The following SGCZ variants were observed in gnomAD, a reference collection of about 807,000 sequenced individuals.
The protein encoded by SGCZ is zeta-sarcoglycan.
SGCZ carries 40 observed loss-of-function variants against 41.3 expected under a neutral mutation model. That is an observed-to-expected ratio of 0.97 (90% CI 0.75 to 1.26). The LOEUF (loss-of-function observed/expected upper bound fraction) is 1.26, where lower values mean the gene tolerates loss of function less well. Among genes scored for constraint, SGCZ ranks in the 50% most tolerant of loss-of-function variants. The pLI, the probability that SGCZ is intolerant of heterozygous loss-of-function variation, is 0.00. For missense variants in SGCZ, 552 were observed against 369.8 expected (o/e 1.49, Z -4.04); for synonymous variants, 206 against 137.5 (o/e 1.50, Z -3.49).
intron 1 of SGCZ, among the ~76,000 whole-genome samples, chr8:14,600,997 A>G (rs1208706333): frequency 6.6e-6 from 1 of 150,816 alleles, no homozygotes; most frequent in Non-Finnish European, 1.5e-5. Context: ...ATATGTCTCT[A>G]TAATCCCTAA....
chr8:14,848,843 G>A (rs1803223303), intron 1 of SGCZ, among the ~76,000 whole-genome samples: 1 of 152,038 alleles, frequency 6.6e-6, no homozygotes, highest in African/African-American at 2.4e-5. Context: ...GGATAAAATG[G>A]ATATCAGAAA....
intron 3 of SGCZ, among the ~76,000 whole-genome samples, chr8:14,239,413 G>T (rs1011688051): frequency 1.3e-5 from 2 of 152,024 alleles, no homozygotes; most frequent in Non-Finnish European, 2.9e-5. Flanking sequence ...TCAAAAAATT[G>T]TGAAAAAACT....
chr8:14,235,315 G>A (rs756169926), intron 4 of SGCZ, among the ~76,000 whole-genome samples: 2 of 152,108 alleles, frequency 1.3e-5, no homozygotes, highest in African/African-American at 4.8e-5. Flanking sequence ...TACACTCAAA[G>A]GACCAGGATA....
chr8:15,029,491 T>A lies in SGCZ; in HGVS notation c.39+208094A>T, dbSNP rs148416883. ...GCCCTTAAAATCAGATCAAAGAAAGTTAGTATGTTAACTACAATTTTGAAA... is the reference window on the plus strand; with the variant it reads ...GCCCTTAAAATCAGATCAAAGAAAGATAGTATGTTAACTACAATTTTGAAA... On this transcript the variant is annotated intron_variant, in intron 1 of 7. Coordinates refer to ENST00000382080, the MANE Select transcript of SGCZ (RefSeq NM_139167.4). Among the ~76,000 whole-genome samples, 14 of 152,164 alleles carry A rather than the reference T, an allele frequency of 9.2e-5. No homozygotes were observed. The East Asian group carries it at 2.7e-3, about 29-fold the overall frequency.
chr8:15,198,075 C>A (rs909196316), intron 1 of SGCZ, among the ~76,000 whole-genome samples: 2 of 148,042 alleles, frequency 1.4e-5, no homozygotes, highest in Non-Finnish European at 3.0e-5. Flanking sequence ...TGTATAATGG[C>A]AATTTGATAT....
At chr8:14,560,289 T>G (rs1288446713) in intron 1 of SGCZ, among the ~76,000 whole-genome samples, 1 of 151,976 alleles carries the variant, frequency 6.6e-6, no homozygotes. Flanking sequence ...CATCCAACTT[T>G]GTATACAGAT....
chr8:15,120,038 T>C (rs1008019429), intron 1 of SGCZ, among the ~76,000 whole-genome samples: 1 of 152,030 alleles, frequency 6.6e-6, no homozygotes, highest in African/African-American at 2.4e-5. Flanking sequence ...TTTCCAGGAG[T>C]CTTGCTATGT....
At chr8:14,124,056 A>G (rs1585156148) in intron 5 of SGCZ, among the ~76,000 whole-genome samples, 1 of 152,308 alleles carries the variant, frequency 6.6e-6, no homozygotes, top group East Asian at 1.9e-4. Context: ...AGATTGACTC[A>G]GAAGGGAGCT....
intron 2 of SGCZ, among the ~76,000 whole-genome samples, chr8:14,351,292 T>C (rs1803081282): frequency 6.6e-6 from 1 of 152,114 alleles, no homozygotes; most frequent in Admixed American, 6.6e-5. Flanking sequence ...GCATGTAAAT[T>C]ATTATTTTAC....
intron 4 of SGCZ, among the ~76,000 whole-genome samples, chr8:14,188,571 A>G (rs1377233491): frequency 1.3e-5 from 2 of 152,134 alleles, no homozygotes; most frequent in Non-Finnish European, 2.9e-5. Context: ...TGAGAGCGAA[A>G]GGGTTCAGAG....
intron 4 of SGCZ, among the ~76,000 whole-genome samples, chr8:14,179,204 C>T (rs1804643707): frequency 6.6e-6 from 1 of 152,170 alleles, no homozygotes; most frequent in Admixed American, 6.5e-5. Flanking sequence ...CCCATGTGTC[C>T]TGTGAAAAAG....
At chr8:14,236,783 T>A (rs945384447) in intron 4 of SGCZ, among the ~76,000 whole-genome samples, 1 of 151,604 alleles carries the variant, frequency 6.6e-6, no homozygotes, top group African/African-American at 2.4e-5. Flanking sequence ...TCTACATGCA[T>A]ATCAAAACTT....
intron 1 of SGCZ, among the ~76,000 whole-genome samples, chr8:15,200,798 C>T (rs1407400373): frequency 6.6e-6 from 1 of 152,160 alleles, no homozygotes. Context: ...CACAAACCCA[C>T]GTCTGCCTGA....
At chr8:14,578,914 G>C (rs899613518) in intron 1 of SGCZ, among the ~76,000 whole-genome samples, 2 of 151,962 alleles carry the variant, frequency 1.3e-5, no homozygotes, top group African/African-American at 4.8e-5. Context: ...TTTTTGTATG[G>C]ATCACTCTTT....
At chr8:15,104,258 T>C (rs1022518175) in intron 1 of SGCZ, among the ~76,000 whole-genome samples, 1 of 152,166 alleles carries the variant, frequency 6.6e-6, no homozygotes, top group African/African-American at 2.4e-5. Flanking sequence ...ACCCAGCAGC[T>C]AATCAACTAA....
intron 1 of SGCZ, among the ~76,000 whole-genome samples, chr8:15,059,986 G>A (rs1000900281): frequency 3.3e-5 from 5 of 152,164 alleles, no homozygotes; most frequent in Non-Finnish European, 7.3e-5. Flanking sequence ...GAAATGACAA[G>A]CATTCAAGCC....
At chr8:15,172,154 G>GTTTTTTTTTTATTTATTT (rs1563164643) in intron 1 of SGCZ, among the ~76,000 whole-genome samples, 1 of 71,774 alleles carries the variant, frequency 1.4e-5, no homozygotes, top group East Asian at 4.0e-4. Context: ...TTTATACTCT[G>GTTTTTTTTTTATTTATTT]TTTTTTTTTT....
At chr8:14,860,035 G>A (rs979689383) in intron 1 of SGCZ, among the ~76,000 whole-genome samples, 1 of 152,060 alleles carries the variant, frequency 6.6e-6, no homozygotes, top group African/African-American at 2.4e-5. Flanking sequence ...AAGAATCAAG[G>A]AATCAGCGTT....
At chr8:14,461,895 A>C (rs1331284556) in intron 2 of SGCZ, among the ~76,000 whole-genome samples, 1 of 152,096 alleles carries the variant, frequency 6.6e-6, no homozygotes, top group Non-Finnish European at 1.5e-5. Context: ...GCTGGACATA[A>C]CATATTGATT....
Sources: gnomAD v4.1 joint callset for allele counts (sites outside exome capture counted in the v4.1 genomes callset) on GRCh38, gnomAD v4.1.1 for gene constraint, MANE v1.5 for transcripts, NCBI Gene and HGNC (gene_info 2026-07-23, HGNC 2026-07-21) for gene names.